Variants in RUNX1 observed in about 807,000 individuals in gnomAD.
RUNX1 encodes runt-related transcription factor 1.
Under a neutral mutation model 42.8 loss-of-function variants are expected in RUNX1, and 19 were observed. The observed-to-expected ratio is 0.44, with a 90% CI of 0.31 to 0.65. The LOEUF is 0.65. Among genes scored for constraint, RUNX1 ranks in the 30% least tolerant of loss-of-function variants. The pLI is 0.07. For missense variants in RUNX1, 528 were observed against 672.0 expected, an observed-to-expected ratio of 0.79 and a Z score of 2.37; for synonymous variants, 271 against 289.4, an observed-to-expected ratio of 0.94 and a Z score of 0.64.
intron 5 of RUNX1, among the ~76,000 whole-genome samples, chr21:34,860,726 A>G (rs766946217): frequency 3.9e-5 from 6 of 152,186 alleles, no homozygotes; most frequent in Non-Finnish European, 8.8e-5. Flanking sequence ...TGAAAGGAAA[A>G]TATTTTCAAT....
intron 3 of RUNX1, among the ~76,000 whole-genome samples, chr21:34,889,076 G>A (rs2058042230): frequency 6.6e-6 from 1 of 151,308 alleles, no homozygotes; most frequent in South Asian, 2.1e-4. Context: ...GACCCGGCCG[G>A]CGCGCCGCAC....
rs182899280 is a variant in RUNX1 at position 34,863,680 on chromosome 21, G to A, written c.509-4102C>T. Among the ~76,000 whole-genome samples, 6 of 149,492 alleles carry A rather than the reference G, an allele frequency of 4.0e-5. No homozygotes were observed. In the East Asian group the frequency reaches 8.0e-4, roughly 20 times the overall value. On this transcript the variant is annotated intron_variant, in intron 5 of 8. Transcript: ENST00000675419. Reference sequence around the variant, plus strand: ...AGCGATTCTCCTGCCTCAGCCTCCCGAGTAGCTGGGATTACATGTGCATAC... The same window carrying A: ...AGCGATTCTCCTGCCTCAGCCTCCCAAGTAGCTGGGATTACATGTGCATAC...
intron 5 of RUNX1, among the ~76,000 whole-genome samples, chr21:34,877,946 G>C (rs969991057): frequency 1.3e-5 from 2 of 152,158 alleles, no homozygotes; most frequent in Admixed American, 6.5e-5. Context: ...CTGAAAGTTT[G>C]GATGAGCCAA....
At chr21:34,811,518 C>T (rs1028806830) in intron 7 of RUNX1, among the ~76,000 whole-genome samples, 2 of 152,204 alleles carry the variant, frequency 1.3e-5, no homozygotes, top group Admixed American at 6.5e-5. Flanking sequence ...CTGACCTGGC[C>T]GCTGCACACA....
rs2145876603 is a variant in RUNX1, at chr21:34,792,463, C to T, written c.1115G>A (p.Gly372Asp). ...SGIGIGMSAMGSATRYHTYLP... is the reference protein window; with the variant it reads ...SGIGIGMSAMDSATRYHTYLP... Reference sequence around the variant, plus strand: ...GTAGGTGTGGTAGCGCGTGGCCGAGCCCATGGCCGACATGCCGATGCCGAT... The same window carrying T: ...GTAGGTGTGGTAGCGCGTGGCCGAGTCCATGGCCGACATGCCGATGCCGAT... The change falls in exon 9 of 9, where the codon GGC (glycine) becomes GAC (aspartate). Residue 372 changes from glycine (G) to aspartate (D), a missense_variant. Around this residue, in one of 3 missense-constraint regions of RUNX1, gnomAD observed 331 missense variants for 382.5 expected, o/e 0.87. Coordinates refer to ENST00000675419, the MANE Select transcript of RUNX1 (RefSeq NM_001754.5). This position sits in a 1 kb window ranked among gnomAD's most constrained non-coding sequence, Gnocchi z 6.9. 6.3e-7 allele frequency: 1 copy of T among 1,582,468 alleles called. No individual in the cohort carries two copies. The highest frequency in any genetic ancestry group is 8.6e-7 in the Non-Finnish European group (1 of 1,164,428).
intron 2 of RUNX1, among the ~76,000 whole-genome samples, chr21:35,046,304 T>C (rs9978978): frequency 0.071 from 10,765 of 152,318 alleles, 364 homozygotes; most frequent in Middle Eastern, 0.1. Flanking sequence ...TTGCTTGGCT[T>C]CACTCCTCTC....
At chr21:34,850,472 C>T (rs991544313) in intron 6 of RUNX1, among the ~76,000 whole-genome samples, 12 of 152,286 alleles carry the variant, frequency 7.9e-5, no homozygotes, top group South Asian at 4.2e-4. Flanking sequence ...ACAAGAATTC[C>T]GACCCCAAGA....
chr21:34,830,957 A>G (rs913041730), intron 7 of RUNX1, among the ~76,000 whole-genome samples: 4 of 152,188 alleles, frequency 2.6e-5, no homozygotes, highest in Admixed American at 2.0e-4. Flanking sequence ...GGAGGAAATT[A>G]CGACACCTTA....
At chr21:34,902,146 A>G (rs7279557) in intron 2 of RUNX1, among the ~76,000 whole-genome samples, 39,849 of 152,104 alleles carry the variant, frequency 0.26, 5,794 homozygotes, top group African/African-American at 0.37. Flanking sequence ...AAACAGAATC[A>G]TTTATTTGGA....
chr21:34,958,256 T>C (rs998858598), intron 2 of RUNX1, among the ~76,000 whole-genome samples: 9 of 152,074 alleles, frequency 5.9e-5, no homozygotes, highest in Non-Finnish European at 1.3e-4. Context: ...TCCCCTCCCC[T>C]ACAGAGGCTC....
intron 7 of RUNX1, among the ~76,000 whole-genome samples, chr21:34,804,598 A>G (rs1423197756): frequency 6.6e-6 from 1 of 152,238 alleles, no homozygotes; most frequent in African/African-American, 2.4e-5. Flanking sequence ...AGATAAAGCA[A>G]GCATCAGAAC....
chr21:34,990,499 G>C (rs2058928600), intron 2 of RUNX1, among the ~76,000 whole-genome samples: 1 of 152,148 alleles, frequency 6.6e-6, no homozygotes. Flanking sequence ...AGTCATAAAA[G>C]GTGGATCAGA....
intron 2 of RUNX1, among the ~76,000 whole-genome samples, chr21:34,978,248 A>AT (rs573610620): frequency 5.0e-4 from 76 of 152,284 alleles, no homozygotes; most frequent in Admixed American, 1.2e-3. Context: ...CATAAACAGT[A>AT]TTTTTTGACC....
chr21:34,807,555 C>T (rs2056696910), intron 7 of RUNX1, among the ~76,000 whole-genome samples: 1 of 152,184 alleles, frequency 6.6e-6, no homozygotes, highest in Admixed American at 6.5e-5. Flanking sequence ...CTGGTTATTT[C>T]CCTGGAGGAA....
At chr21:34,832,185 T>G (rs909082725) in intron 7 of RUNX1, among the ~76,000 whole-genome samples, 2 of 152,224 alleles carry the variant, frequency 1.3e-5, no homozygotes, top group African/African-American at 4.8e-5. Context: ...CCTGATACTC[T>G]ACTAAGCATA....
intron 5 of RUNX1, among the ~76,000 whole-genome samples, chr21:34,875,385 T>C (rs574717104): frequency 5.4e-4 from 83 of 152,338 alleles, no homozygotes; most frequent in African/African-American, 2.0e-3. Flanking sequence ...TTAGGGCTGG[T>C]TGAGGCTTGG....
chr21:34,969,486 A>G (rs907154531), intron 2 of RUNX1, among the ~76,000 whole-genome samples: 3 of 152,238 alleles, frequency 2.0e-5, no homozygotes, highest in African/African-American at 7.2e-5. Context: ...GCAAAAGGAA[A>G]TGAAAAGAAC....
intron 7 of RUNX1, among the ~76,000 whole-genome samples, chr21:34,804,568 G>GA (rs1156987109): frequency 3.3e-5 from 5 of 151,980 alleles, no homozygotes; most frequent in Admixed American, 1.3e-4. Flanking sequence ...AGAAAGGCAA[G>GA]AAAAAAACAC....
chr21:35,015,375 C>G (rs1419809096), intron 2 of RUNX1, among the ~76,000 whole-genome samples: 1 of 152,142 alleles, frequency 6.6e-6, no homozygotes, highest in Non-Finnish European at 1.5e-5. Context: ...CTTTCTTCCC[C>G]TTGTTTTTGG....
Sources: allele counts gnomAD v4.1 joint callset (sites outside exome capture counted in the v4.1 genomes callset), GRCh38; gene constraint gnomAD v4.1.1; regional missense constraint gnomAD v4.1.1; non-coding constraint Gnocchi (gnomAD v3.1); transcripts MANE v1.5; gene names NCBI Gene and HGNC (gene_info 2026-07-23, HGNC 2026-07-21).